SCP2: variants seen among roughly 807,000 people sequenced by gnomAD.
SCP2 encodes the protein SCP-2/3-oxoacyl-CoA thiolase.
SCP2 carries 48 observed loss-of-function variants against 71.4 expected under a neutral mutation model. The ratio of observed to expected loss-of-function variants is 0.67; its 90% confidence interval spans 0.53 to 0.86. The LOEUF (loss-of-function observed/expected upper bound fraction) is 0.86. Among genes scored for constraint, SCP2 ranks in the 40% least tolerant of loss-of-function variants. SCP2 has a pLI of 0.00. For synonymous variants in SCP2, 220 were observed against 218.1 expected (o/e 1.01, Z -0.08); for missense variants, 560 against 655.6 (o/e 0.85, Z 1.59).
intron 14 of SCP2, among the ~76,000 whole-genome samples, chr1:53,039,794 T>C (rs188258696): frequency 1.6e-4 from 25 of 152,356 alleles, no homozygotes; most frequent in Non-Finnish European, 2.8e-4. Context: ...AAACAGTTTC[T>C]ACACTGATGA....
At chr1:52,960,562 GTATGTATATATATGTATA>G (rs1656286246) in intron 5 of SCP2, among the ~76,000 whole-genome samples, 1 of 143,058 alleles carries the variant, frequency 7.0e-6, no homozygotes, top group African/African-American at 2.7e-5. Flanking sequence ...GTGTATATAT[GTATGTATATATATGTATA>G]TATGTATGTA....
rs1289561221 is a variant in SCP2 at position 52,988,090 on chromosome 1, T to C, written c.1035T>C (p.Asn345=). The C allele has an allele frequency of 1.2e-6, 2 of 1,606,918 alleles. No individual in the cohort carries two copies. The highest frequency in any genetic ancestry group is 1.7e-6 in the Non-Finnish European group (2 of 1,173,824). The change falls in exon 11 of 16, where the codon AAT becomes AAC. Residue 345 remains asparagine, a synonymous_variant. Coordinates refer to ENST00000371514, the MANE Select transcript of SCP2 (RefSeq NM_002979.5). ...DNTYGGKWVI[N]PSGGLISKGH... The stretch of plus-strand genomic sequence containing the variant: ...CATATGGAGGAAAGTGGGTCATAAA[T>C]CCTAGTGGTGGACTGATTTCAAAGG...
At chr1:52,988,941 C>T (rs945176550) in intron 11 of SCP2, among the ~76,000 whole-genome samples, 2 of 152,156 alleles carry the variant, frequency 1.3e-5, no homozygotes, top group Non-Finnish European at 2.9e-5. Context: ...ATCCACCTGC[C>T]TCAGCCTCCC....
chr1:52,967,061 G>A (rs1657035211), intron 6 of SCP2, among the ~76,000 whole-genome samples: 1 of 151,806 alleles, frequency 6.6e-6, no homozygotes, highest in African/African-American at 2.4e-5. Context: ...ATGGTGGCAG[G>A]CGCCTGTAAT....
intron 10 of SCP2, among the ~76,000 whole-genome samples, chr1:52,981,997 AT>A (rs1658543043): frequency 1.3e-5 from 2 of 151,740 alleles, no homozygotes; most frequent in Admixed American, 1.3e-4. Flanking sequence ...TTATTTAAAT[AT>A]TTTTAGTATG....
intron 11 of SCP2, among the ~76,000 whole-genome samples, chr1:53,005,988 G>T (rs949255121): frequency 6.6e-6 from 1 of 152,176 alleles, no homozygotes; most frequent in African/African-American, 2.4e-5. Context: ...ACATGCCAAA[G>T]CTTCAGTAGC....
intron 11 of SCP2, chr1:52,995,594 C>A: frequency 2.0e-6 from 1 of 509,910 alleles, no homozygotes; most frequent in Admixed American, 2.4e-5. Flanking sequence ...GGTAGGATTT[C>A]AATGCCAAGA....
chr1:53,005,728 G>A (rs988342233), intron 11 of SCP2, among the ~76,000 whole-genome samples: 10 of 152,172 alleles, frequency 6.6e-5, no homozygotes, highest in Non-Finnish European at 1.5e-4. Flanking sequence ...CCCTCCAAAG[G>A]AGCACAGCTC....
chr1:52,957,222 C>G (rs1237996072), intron 5 of SCP2, among the ~76,000 whole-genome samples: 2 of 120,646 alleles, frequency 1.7e-5, no homozygotes, highest in African/African-American at 5.5e-5. Context: ...GCCCCTGGCC[C>G]CTGGCCCCTT....
At chr1:52,998,558 C>T (rs1187734401) in intron 11 of SCP2, among the ~76,000 whole-genome samples, 1 of 152,140 alleles carries the variant, frequency 6.6e-6, no homozygotes, top group African/African-American at 2.4e-5. Context: ...TGGTGAAACC[C>T]CATCTCTACA....
intron 11 of SCP2, 36 bp downstream of exon 11, chr1:52,988,172 C>A: frequency 9.2e-7 from 1 of 1,082,196 alleles, no homozygotes; most frequent in South Asian, 1.3e-5. Context: ...ATTTTAAAAT[C>A]ATTTTTTCCT....
At chr1:53,016,752 T>G (rs1469156644) in intron 12 of SCP2, among the ~76,000 whole-genome samples, 3 of 152,200 alleles carry the variant, frequency 2.0e-5, no homozygotes, top group Non-Finnish European at 2.9e-5. Flanking sequence ...ATTATGGTTT[T>G]GAAATGATTC....
intron 11 of SCP2, among the ~76,000 whole-genome samples, chr1:53,005,998 C>G (rs1007914700): frequency 3.9e-5 from 6 of 151,988 alleles, no homozygotes; most frequent in Non-Finnish European, 7.4e-5. Context: ...GCTTCAGTAG[C>G]CGATTTGATC....
intron 14 of SCP2, among the ~76,000 whole-genome samples, chr1:53,041,444 G>T (rs538580254): frequency 2.6e-5 from 4 of 151,924 alleles, no homozygotes; most frequent in African/African-American, 9.7e-5. Context: ...TTTGAAAGTC[G>T]TTTTGTATAT....
chr1:53,024,399 C>T (rs952718763), intron 12 of SCP2, among the ~76,000 whole-genome samples: 1 of 151,978 alleles, frequency 6.6e-6, no homozygotes, highest in African/African-American at 2.4e-5. Context: ...GGTTGCACAA[C>T]ATTATGACTG....
At chr1:52,954,164 C>T (rs1234451259) in intron 4 of SCP2, among the ~76,000 whole-genome samples, 1 of 151,262 alleles carries the variant, frequency 6.6e-6, no homozygotes, top group African/African-American at 2.4e-5. Context: ...AAAAAATTAG[C>T]TGAATGAGGT....
intron 11 of SCP2, among the ~76,000 whole-genome samples, chr1:53,002,991 A>G (rs886359109): frequency 7.9e-5 from 12 of 152,222 alleles, no homozygotes; most frequent in Non-Finnish European, 1.5e-4. Context: ...TTAGCTTTTC[A>G]CCAAAATTTC....
chr1:53,020,119 T>A (rs532772855), intron 12 of SCP2, among the ~76,000 whole-genome samples: 154 of 152,228 alleles, frequency 1.0e-3, no homozygotes, highest in Non-Finnish European at 8.4e-4. Context: ...ACTCCTGAAC[T>A]CAAGTGATCT....
At chr1:52,950,367 G>A (rs183825709) in intron 3 of SCP2, among the ~76,000 whole-genome samples, 11 of 152,254 alleles carry the variant, frequency 7.2e-5, no homozygotes, top group East Asian at 1.9e-4. Context: ...TGATCTGCCC[G>A]CCTCGGCCTC....
Sources: gnomAD v4.1 joint callset for allele counts (sites outside exome capture counted in the v4.1 genomes callset) on GRCh38, gnomAD v4.1.1 for gene constraint, MANE v1.5 for transcripts, NCBI Gene and HGNC (gene_info 2026-07-23, HGNC 2026-07-21) for gene names.